Variants in MSX2 observed in about 807,000 individuals in gnomAD.
The protein encoded by MSX2 is homeobox protein MSX-2.
MSX2 carries 10 observed loss-of-function variants against 18.4 expected under a neutral mutation model. That is an observed-to-expected ratio of 0.54 (90% CI 0.34 to 0.92). The LOEUF (loss-of-function observed/expected upper bound fraction) is 0.92, where lower values mean the gene tolerates loss of function less well. Among genes scored for constraint, MSX2 ranks in the 40% least tolerant of loss-of-function variants. The probability of loss-of-function intolerance (pLI) is 0.02; values close to 1 mark genes in which losing one functional copy is unlikely to be tolerated. For missense variants in MSX2, 339 were observed against 364.0 expected (o/e 0.93, Z 0.56); for synonymous variants, 170 against 165.6 (o/e 1.03, Z -0.20).
chr5:174,725,191 G>C, intron 1 of MSX2, 153 bp downstream of exon 1: 1 of 1,278,972 alleles, frequency 7.8e-7, no homozygotes, highest in Non-Finnish European at 1.0e-6. Context: ...TGGGTGCCCG[G>C]GGCGTTCGGC....
chr5:174,729,307 C>A lies in MSX2; in HGVS notation c.528C>A (p.Ser176=). 2.5e-6 allele frequency: 4 copies of A among 1,614,132 alleles called. No homozygotes were observed. The highest frequency in any genetic ancestry group is 1.7e-5 in the Admixed American group (1 of 60,022). Residue 176 remains serine (S), a synonymous_variant, in exon 2 of 2, where the codon TCC becomes TCA. Coordinates refer to ENST00000239243, the MANE Select transcript of MSX2 (RefSeq NM_002449.5). ...YLSIAERAEF[S]SSLNLTETQV... Reference sequence around the variant, plus strand: ...CCATTGCAGAGCGTGCAGAGTTCTCCAGCTCTCTGAACCTCACAGAGACCC... The same window carrying A: ...CCATTGCAGAGCGTGCAGAGTTCTCAAGCTCTCTGAACCTCACAGAGACCC...
chr5:174,726,489 G>A (rs1013264520), intron 1 of MSX2, among the ~76,000 whole-genome samples: 3 of 148,480 alleles, frequency 2.0e-5, no homozygotes, highest in African/African-American at 7.4e-5. Context: ...ACTTTTCACC[G>A]TATTATCTTA....
intron 1 of MSX2, among the ~76,000 whole-genome samples, chr5:174,726,586 CA>C (rs34068914): frequency 2.0e-3 from 187 of 93,408 alleles, no homozygotes; most frequent in African/African-American, 5.3e-3. Flanking sequence ...TGGGCCTGAC[CA>C]AAAAAAAAAA....
intron 1 of MSX2, among the ~76,000 whole-genome samples, chr5:174,725,714 G>T (rs1402198191): frequency 6.6e-6 from 1 of 152,174 alleles, no homozygotes; most frequent in Non-Finnish European, 1.5e-5. Flanking sequence ...GCCGGGAGCG[G>T]GCTGGGGCCA....
In MSX2 at chr5:174,724,635, G is replaced by A. The variant is rs749375554; in HGVS notation, c.-25G>A. The A allele has an allele frequency of 5.7e-6, 9 of 1,573,740 alleles. No individual in the cohort carries two copies. The highest frequency in any genetic ancestry group is 5.5e-5 in the Admixed American group (3 of 54,400). ...CGGGTTGCCAGCGGAGTCGCGCGTC[G>A]GGAGCTACGTAGGGCAGAGAAGTCA... On this transcript the variant is annotated 5_prime_UTR_variant, in exon 1 of 2. Transcript: ENST00000239243.
At chr5:174,727,860 C>T (rs983144001) in intron 1 of MSX2, among the ~76,000 whole-genome samples, 3 of 152,218 alleles carry the variant, frequency 2.0e-5, no homozygotes, top group Non-Finnish European at 4.4e-5. Flanking sequence ...TAAACTCTTT[C>T]TTGGGCCACC....
At chr5:174,727,056 A>AAAAAAC (rs1278829040) in intron 1 of MSX2, among the ~76,000 whole-genome samples, 265 of 107,038 alleles carry the variant, frequency 2.5e-3, no homozygotes, top group African/African-American at 6.7e-3. Context: ...TTAAAGTAAA[A>AAAAAAC]AAAAACAAAA....
chr5:174,727,258 C>T (rs920353320), intron 1 of MSX2, among the ~76,000 whole-genome samples: 1 of 151,984 alleles, frequency 6.6e-6, no homozygotes, highest in African/African-American at 2.4e-5. Flanking sequence ...CTTATATAAT[C>T]GCATCCTTCC....
chr5:174,729,051 A>G, intron 1 of MSX2, 108 bp from the exon 2 acceptor site: 1 of 1,023,884 alleles, frequency 9.8e-7, no homozygotes, highest in East Asian at 2.6e-5. Flanking sequence ...TTGAGAGGGG[A>G]GGCCCGAAAG....
At chr5:174,728,197 G>A (rs1387041529) in intron 1 of MSX2, among the ~76,000 whole-genome samples, 1 of 152,018 alleles carries the variant, frequency 6.6e-6, no homozygotes, top group Non-Finnish European at 1.5e-5. Flanking sequence ...TTACACATTT[G>A]CCCGAAGCCA....
rs760404926 is a variant in MSX2, at chr5:174,729,529, G to A, written c.750G>A (p.Pro250=). The change falls in exon 2 of 2, where the codon CCG becomes CCA. Residue 250 remains proline, a synonymous_variant. Coordinates refer to ENST00000239243, the MANE Select transcript of MSX2 (RefSeq NM_002449.5). ...YPFHRPVLPI[P]PVGLYATPVG... ...TCCATAGACCTGTGCTTCCCATCCC[G>A]CCTGTGGGACTCTATGCCACGCCAG... is the stretch of plus-strand genomic sequence containing the variant. The A allele has an allele frequency of 8.7e-6, 14 of 1,613,478 alleles. No homozygotes were observed. The highest frequency in any genetic ancestry group is 3.3e-5 in the Admixed American group (2 of 59,984).
chr5:174,727,693 T>C (rs1033931123), intron 1 of MSX2, among the ~76,000 whole-genome samples: 8 of 152,222 alleles, frequency 5.3e-5, no homozygotes, highest in Admixed American at 3.9e-4. Context: ...TCCTTCCCTT[T>C]CCCAGATTTC....
chr5:174,724,583 C>T lies in MSX2; in HGVS notation c.-77C>T. ...TCCCAGCGCGCCCCTCCCGTCTCCG[C>T]AGCAAAAAAGTTTGAGTCGCCGCTG... On this transcript the variant is annotated 5_prime_UTR_variant, in exon 1 of 2. Transcript: ENST00000239243. The T allele has an allele frequency of 6.5e-7, 1 of 1,534,904 alleles. No individual in the cohort carries two copies. The highest frequency in any genetic ancestry group is 1.4e-5 in the African/African-American group (1 of 72,940).
Position 174,729,357 on chromosome 5 carries a change from G to A in MSX2, c.578G>A (p.Arg193Gln). 5 of 1,614,160 alleles carry A rather than the reference G, an allele frequency of 3.1e-6. No individual in the cohort carries two copies. Among genetic ancestry groups the A allele is most frequent in the East Asian group, 2.2e-5 (1 of 44,870 alleles). ...ETQVKIWFQN[R>Q]RAKAKRLQEA... ...CAGGTCAAAATCTGGTTCCAGAACCGAAGGGCCAAGGCGAAAAGACTGCAG... is the reference window on the plus strand; with the variant it reads ...CAGGTCAAAATCTGGTTCCAGAACCAAAGGGCCAAGGCGAAAAGACTGCAG... Residue 193 changes from arginine (R) to glutamine (Q), a missense_variant, in exon 2 of 2, where the codon CGA becomes CAA. By Grantham distance (43) the Arg-to-Gln change is conservative. Around this residue, in one of 2 missense-constraint regions of MSX2, gnomAD observed 128 missense variants for 178.6 expected, o/e 0.72. Transcript: ENST00000239243.
In MSX2 at chr5:174,729,705, C is replaced by T. The variant is rs541008828; in HGVS notation, c.*122C>T. ...CTAACCCTGCGTGCACCACCCTAAGCGGCTAGGCTGACAGGGCCACACGAC... is the reference window on the plus strand; with the variant it reads ...CTAACCCTGCGTGCACCACCCTAAGTGGCTAGGCTGACAGGGCCACACGAC... On this transcript the variant is annotated 3_prime_UTR_variant, in exon 2 of 2. Coordinates refer to ENST00000239243, the MANE Select transcript of MSX2 (RefSeq NM_002449.5). 1.9e-4 allele frequency: 201 copies of T among 1,064,554 alleles called. No homozygotes were observed. Among genetic ancestry groups the T allele is most frequent in the South Asian group, 5.5e-4 (42 of 76,876 alleles). 65.9% of individuals were successfully genotyped at this position (1,064,554 alleles called of 1,614,324 possible).
chr5:174,729,483 T>C lies in MSX2; in HGVS notation c.704T>C (p.Ile235Thr). 6.2e-7 allele frequency: 1 copy of C among 1,613,902 alleles called. No individual in the cohort carries two copies. Among genetic ancestry groups the C allele is most frequent in the Non-Finnish European group, 8.5e-7 (1 of 1,179,868 alleles). ...PISSPLQAAS[I>T]YGASYPFHRP... Reference sequence around the variant, plus strand: ...AGCTCGCCCCTGCAGGCAGCGTCCATATATGGAGCATCCTACCCGTTCCAT... The same window carrying C: ...AGCTCGCCCCTGCAGGCAGCGTCCACATATGGAGCATCCTACCCGTTCCAT... Residue 235 changes from isoleucine (I) to threonine (T), a missense_variant, in exon 2 of 2, where the codon ATA becomes ACA. Physicochemically the swap from Ile to Thr is moderately conservative, Grantham distance 89. Transcript: ENST00000239243.
Position 174,724,605 on chromosome 5 carries a change from G to T in MSX2, c.-55G>T, listed in dbSNP as rs1760730511. 2 of 1,550,380 alleles carry T rather than the reference G, an allele frequency of 1.3e-6. No individual in the cohort carries two copies. Among genetic ancestry groups the T allele is most frequent in the Non-Finnish European group, 1.7e-6 (2 of 1,147,134 alleles). ...CCGCAGCAAAAAAGTTTGAGTCGCC[G>T]CTGCCGGGTTGCCAGCGGAGTCGCG... On this transcript the variant is annotated 5_prime_UTR_variant, in exon 1 of 2. Coordinates refer to ENST00000239243, the MANE Select transcript of MSX2 (RefSeq NM_002449.5).
chr5:174,727,102 C>A (rs1760819525), intron 1 of MSX2, among the ~76,000 whole-genome samples: 1 of 151,914 alleles, frequency 6.6e-6, no homozygotes, highest in Non-Finnish European at 1.5e-5. Context: ...ATTGTTGGTG[C>A]TTTGGGCCTG....
At position 174,729,675 on chromosome 5, in the gene MSX2, C is replaced by G; in HGVS notation, c.*92C>G. The G allele has an allele frequency of 3.0e-6, 4 of 1,348,154 alleles. No individual in the cohort carries two copies. Among genetic ancestry groups the G allele is most frequent in the Non-Finnish European group, 4.2e-6 (4 of 952,426 alleles). 83.5% of individuals were successfully genotyped at this position (1,348,154 alleles called of 1,614,324 possible). A position where few individuals can be genotyped will look rare whatever the true frequency, so the allele number is the denominator to read the frequency against. On this transcript the variant is annotated 3_prime_UTR_variant, in exon 2 of 2. Coordinates refer to ENST00000239243, the MANE Select transcript of MSX2 (RefSeq NM_002449.5). Reference sequence around the variant, plus strand: ...AAGGCAGTACCAGCCAGTACTCCTGCTCTGCTAACCCTGCGTGCACCACCC... The same window carrying G: ...AAGGCAGTACCAGCCAGTACTCCTGGTCTGCTAACCCTGCGTGCACCACCC...
Sources: allele counts gnomAD v4.1 joint callset (sites outside exome capture counted in the v4.1 genomes callset), GRCh38; gene constraint gnomAD v4.1.1; regional missense constraint gnomAD v4.1.1; transcripts MANE v1.5; gene names NCBI Gene and HGNC (gene_info 2026-07-23, HGNC 2026-07-21).